The following BBS9 variants were observed in gnomAD, a reference collection of about 807,000 sequenced individuals.
The protein encoded by BBS9 is Bardet-Biedl syndrome 9.
A neutral mutation model predicts 117.7 loss-of-function variants in BBS9; 89 were observed. The ratio of observed to expected loss-of-function variants is 0.76; its 90% CI spans 0.64 to 0.90. BBS9 has a LOEUF of 0.90. Ranked by LOEUF, BBS9 falls within the 40% of genes least tolerant of loss-of-function variation. The pLI, the probability that BBS9 is intolerant of heterozygous loss-of-function variation, is 0.00. For synonymous variants in BBS9, 379 were observed against 370.9 expected, an observed-to-expected ratio of 1.02 and a Z score of -0.25; for missense variants, 982 against 1,042.2, an observed-to-expected ratio of 0.94 and a Z score of 0.80.
chr7:33,563,999 T>A lies in BBS9; in HGVS notation c.2521+29823T>A, dbSNP rs1005058463. Among the ~76,000 whole-genome samples the A allele has an allele frequency of 8.6e-5, 13 of 151,694 alleles. 1 individual carries two copies. In the South Asian group the frequency reaches 2.5e-3, roughly 29 times the overall value. The stretch of plus-strand genomic sequence containing the variant: ...ACTTATGCTTTATTCATTTTAGCTT[T>A]GAAAGATTTTCTAAAAATCTTGCCT... On this transcript the variant is annotated intron_variant, in intron 21 of 22. Transcript: ENST00000242067.
At chr7:33,480,607 G>A (rs928635890) in intron 19 of BBS9, among the ~76,000 whole-genome samples, 1 of 152,140 alleles carries the variant, frequency 6.6e-6, no homozygotes, top group Non-Finnish European at 1.5e-5. Flanking sequence ...TTATTTTTGT[G>A]TTATCACTTG....
intron 19 of BBS9, among the ~76,000 whole-genome samples, chr7:33,464,690 ATATT>A (rs1839918352): frequency 6.6e-6 from 1 of 151,874 alleles, no homozygotes; most frequent in Non-Finnish European, 1.5e-5. Flanking sequence ...TTTATATTAT[ATATT>A]TAATTAATAT....
intron 21 of BBS9, among the ~76,000 whole-genome samples, chr7:33,554,498 G>C (rs1421914964): frequency 6.6e-6 from 1 of 152,140 alleles, no homozygotes; most frequent in East Asian, 1.9e-4. Flanking sequence ...TGAGATAAAG[G>C]GAGGAAGCAA....
intron 19 of BBS9, among the ~76,000 whole-genome samples, chr7:33,438,356 A>G (rs1835628564): frequency 6.6e-6 from 1 of 152,206 alleles, no homozygotes; most frequent in Non-Finnish European, 1.5e-5. Context: ...TTGAAATATA[A>G]CTTTTGTATA....
chr7:33,343,581 C>T (rs1258660255), intron 11 of BBS9, among the ~76,000 whole-genome samples: 2 of 152,114 alleles, frequency 1.3e-5, no homozygotes, highest in African/African-American at 4.8e-5. Flanking sequence ...TCACTGCAAC[C>T]TCCGCCTCCC....
At chr7:33,290,095 C>G (rs1803711390) in intron 9 of BBS9, among the ~76,000 whole-genome samples, 1 of 151,858 alleles carries the variant, frequency 6.6e-6, no homozygotes, top group Non-Finnish European at 1.5e-5. Context: ...ATTGTAATAT[C>G]TACAGTTCGC....
chr7:33,345,283 A>T (rs1276879264), intron 12 of BBS9, among the ~76,000 whole-genome samples: 1 of 152,228 alleles, frequency 6.6e-6, no homozygotes, highest in Non-Finnish European at 1.5e-5. Flanking sequence ...ACCTTCTTAA[A>T]GCATTTAGAT....
chr7:33,211,402 G>A (rs2128225538), intron 5 of BBS9, among the ~76,000 whole-genome samples: 1 of 152,192 alleles, frequency 6.6e-6, no homozygotes, highest in Middle Eastern at 3.4e-3. Context: ...ATTGATGACA[G>A]TATAACCCTG....
At chr7:33,619,223 T>C (rs1585488888) in intron 21 of BBS9, among the ~76,000 whole-genome samples, 1 of 152,092 alleles carries the variant, frequency 6.6e-6, no homozygotes, top group Admixed American at 6.6e-5. Context: ...TCAGGCAAAA[T>C]AGACTTTAGT....
At chr7:33,633,365 G>T (rs1865984660) in intron 21 of BBS9, among the ~76,000 whole-genome samples, 1 of 151,846 alleles carries the variant, frequency 6.6e-6, no homozygotes, top group Non-Finnish European at 1.5e-5. Context: ...AAAACTGCCA[G>T]ATATGTTTGG....
At chr7:33,204,198 A>G (rs981478368) in intron 5 of BBS9, among the ~76,000 whole-genome samples, 4 of 150,932 alleles carry the variant, frequency 2.7e-5, no homozygotes, top group African/African-American at 9.7e-5. Flanking sequence ...TGAGGTCAGG[A>G]GTTCGAGACC....
intron 19 of BBS9, among the ~76,000 whole-genome samples, chr7:33,447,903 A>T (rs1297149763): frequency 6.6e-6 from 1 of 152,228 alleles, no homozygotes; most frequent in Non-Finnish European, 1.5e-5. Flanking sequence ...TAATTTCATT[A>T]CTAGCAGGAC....
chr7:33,477,641 A>G (rs1238334230), intron 19 of BBS9, among the ~76,000 whole-genome samples: 2 of 152,232 alleles, frequency 1.3e-5, no homozygotes, highest in Non-Finnish European at 2.9e-5. Context: ...GAAGTTCAGA[A>G]TTAGAAGTTC....
intron 9 of BBS9, among the ~76,000 whole-genome samples, chr7:33,331,579 T>G (rs759113374): frequency 2.2e-4 from 33 of 151,216 alleles, no homozygotes; most frequent in Non-Finnish European, 5.9e-5. Flanking sequence ...AAAATCAATG[T>G]ACGTAGATCA....
At chr7:33,249,256 T>C (rs1795857502) in intron 5 of BBS9, among the ~76,000 whole-genome samples, 1 of 132,312 alleles carries the variant, frequency 7.6e-6, no homozygotes. Flanking sequence ...CACACACGCG[T>C]ACACTCCTAC....
chr7:33,177,718 T>C (rs1797534727), intron 5 of BBS9, 127 bp downstream of exon 5: 2 of 740,462 alleles, frequency 2.7e-6, no homozygotes, highest in Non-Finnish European at 4.7e-6. Flanking sequence ...ATTGAAACCT[T>C]TGTATCCAAA....
intron 20 of BBS9, among the ~76,000 whole-genome samples, chr7:33,509,444 A>G (rs927941864): frequency 6.6e-6 from 1 of 152,068 alleles, no homozygotes; most frequent in Non-Finnish European, 1.5e-5. Context: ...GGAAGAAAGG[A>G]CTCTCTTACC....
rs1244346980 is a variant in BBS9, at chr7:33,452,441, A to G, written c.2116-53022A>G. Among the ~76,000 whole-genome samples, 10 of 152,230 alleles carry G rather than the reference A, an allele frequency of 6.6e-5. No homozygotes were observed. The South Asian group carries it at 1.9e-3, about 28-fold the overall frequency. On this transcript the variant is annotated intron_variant, in intron 19 of 22. Transcript: ENST00000242067. ...AAACAATGTTCACAAAGCCTCTTGCACTTTACTTGTAGGAAAGTGCTGTAT... is the reference window on the plus strand; with the variant it reads ...AAACAATGTTCACAAAGCCTCTTGCGCTTTACTTGTAGGAAAGTGCTGTAT...
chr7:33,475,617 A>G (rs1841695182), intron 19 of BBS9, among the ~76,000 whole-genome samples: 1 of 152,042 alleles, frequency 6.6e-6, no homozygotes, highest in Non-Finnish European at 1.5e-5. Context: ...AAAAAAAAAA[A>G]GTTTGAAATA....
Sources: gnomAD v4.1 joint callset for allele counts (sites outside exome capture counted in the v4.1 genomes callset) on GRCh38, gnomAD v4.1.1 for gene constraint, MANE v1.5 for transcripts, NCBI Gene and HGNC (gene_info 2026-07-23, HGNC 2026-07-21) for gene names.